MICU1: variants seen among roughly 807,000 people sequenced by gnomAD.
MICU1 encodes calcium uptake protein 1, mitochondrial.
Under a neutral mutation model 56.8 loss-of-function variants are expected in MICU1, and 45 were observed. That is an observed-to-expected ratio of 0.79 (90% CI 0.62 to 1.02). The LOEUF (loss-of-function observed/expected upper bound fraction) is 1.02, where lower values mean the gene tolerates loss of function less well. Ranked by LOEUF, MICU1 falls within the 50% of genes least tolerant of loss-of-function variation. The pLI, the probability that MICU1 is intolerant of heterozygous loss-of-function variation, is 0.00. For missense variants in MICU1, 504 were observed against 587.1 expected, an observed-to-expected ratio of 0.86 and a Z score of 1.46; for synonymous variants, 186 against 195.1, an observed-to-expected ratio of 0.95 and a Z score of 0.39.
rs1425175423 is a variant in MICU1, at chr10:72,599,681, CCTT to C, written c.-2+26326_-2+26328del. Among the ~76,000 whole-genome samples the C allele has an allele frequency of 2.0e-5, 3 of 152,100 alleles. No homozygotes were observed. The East Asian group carries it at 5.8e-4, about 29-fold the overall frequency. ...CAAAACCTGCCTCCATCCTTCCCTCCCTTCTTTCTTCCTTCCTTACTTCCTGCC... is the reference window on the plus strand; with the variant it reads ...CAAAACCTGCCTCCATCCTTCCCTCCCTTTCTTCCTTCCTTACTTCCTGCC... On this transcript the variant is annotated intron_variant, in intron 1 of 11. Coordinates refer to ENST00000361114, the MANE Select transcript of MICU1 (RefSeq NM_001195518.2).
chr10:72,576,680 C>CA (rs1384587326), intron 1 of MICU1, among the ~76,000 whole-genome samples: 1 of 152,176 alleles, frequency 6.6e-6, no homozygotes, highest in Non-Finnish European at 1.5e-5. Context: ...CTACACTAAA[C>CA]AAGAGATTTT....
At chr10:72,550,310 A>G (rs1840003173) in intron 4 of MICU1, among the ~76,000 whole-genome samples, 1 of 152,162 alleles carries the variant, frequency 6.6e-6, no homozygotes, top group South Asian at 2.1e-4. Context: ...CATGCCATAC[A>G]GGTTTATAGT....
intron 10 of MICU1, among the ~76,000 whole-genome samples, chr10:72,390,642 A>C (rs1047191424): frequency 4.6e-5 from 7 of 152,214 alleles, no homozygotes; most frequent in Non-Finnish European, 2.9e-5. Context: ...CAGGGCCTAG[A>C]AGGTGCCAAT....
chr10:72,388,615 G>A (rs2132061362), intron 10 of MICU1, among the ~76,000 whole-genome samples: 1 of 152,256 alleles, frequency 6.6e-6, no homozygotes, highest in Middle Eastern at 3.4e-3. Flanking sequence ...CAAGAGAAGG[G>A]CACTATCTCT....
rs1023184053 is a variant in MICU1, at chr10:72,533,754, C to A, written c.529G>T (p.Asp177Tyr). 6.2e-6 allele frequency: 10 copies of A among 1,601,708 alleles called. No individual in the cohort carries two copies. The highest frequency in any genetic ancestry group is 1.3e-5 in the African/African-American group (1 of 74,620). ...TGTCATAGTTTGCTCACCTTTCCAT[C>A]AAAGCGTTTTATTATATATTGATCC... ...GLDQYIIKRFDGKKISQEREK... is the reference protein window; with the variant it reads ...GLDQYIIKRFYGKKISQEREK... The change falls in exon 5 of 12, where the codon GAT becomes TAT. Residue 177 changes from aspartate (D) to tyrosine (Y), a missense_variant. Transcript: ENST00000361114.
chr10:72,482,835 A>G (rs1192330882), intron 6 of MICU1, among the ~76,000 whole-genome samples: 3 of 86,492 alleles, frequency 3.5e-5, no homozygotes, highest in African/African-American at 1.3e-4. Context: ...ATATATATAT[A>G]CATATATATA....
chr10:72,370,433 C>T (rs1862295724), intron 11 of MICU1, among the ~76,000 whole-genome samples: 1 of 152,070 alleles, frequency 6.6e-6, no homozygotes, highest in Admixed American at 6.6e-5. Context: ...CTCATGTTTT[C>T]TGGCTGAAGA....
chr10:72,555,248 T>C (rs1028064625), intron 3 of MICU1, among the ~76,000 whole-genome samples: 7 of 152,222 alleles, frequency 4.6e-5, no homozygotes, highest in Admixed American at 3.3e-4. Flanking sequence ...TAAAATCTTG[T>C]GTTTACAAAA....
intron 8 of MICU1, 77 bp from the exon 9 acceptor site, chr10:72,423,448 GT>G: frequency 6.7e-7 from 1 of 1,490,104 alleles, no homozygotes; most frequent in South Asian, 1.3e-5. Context: ...GATCAGCTGT[GT>G]TTGATGGCAG....
chr10:72,456,960 T>C lies in MICU1; in HGVS notation c.933+18140A>G, dbSNP rs113621273. Among the ~76,000 whole-genome samples, 3 of 141,666 alleles carry C rather than the reference T, an allele frequency of 2.1e-5. No individual in the cohort carries two copies. The East Asian group carries it at 5.9e-4, about 28-fold the overall frequency. The allele number at this position is 141,666 out of a possible 152,430, so 92.9% of individuals were successfully genotyped here. On this transcript the variant is annotated intron_variant, in intron 8 of 11. Transcript: ENST00000361114. ...TATATTGCCCAGGTGTGTGTGTGTGTGTGTGTGTGTGTGTGTGTGTGTGTG... is the reference window on the plus strand; with the variant it reads ...TATATTGCCCAGGTGTGTGTGTGTGCGTGTGTGTGTGTGTGTGTGTGTGTG...
At chr10:72,398,503 A>G (rs1863341601) in intron 10 of MICU1, among the ~76,000 whole-genome samples, 1 of 152,134 alleles carries the variant, frequency 6.6e-6, no homozygotes, top group Non-Finnish European at 1.5e-5. Context: ...TGAATCTAGG[A>G]GCCGGTTTTT....
chr10:72,531,326 CA>C (rs1381416869), intron 5 of MICU1: 13 of 152,106 alleles, frequency 8.5e-5, no homozygotes, highest in Non-Finnish European at 1.9e-4. Flanking sequence ...TCATTACACA[CA>C]AATCTGTTTT....
At chr10:72,535,032 T>C (rs1454177577) in intron 4 of MICU1, among the ~76,000 whole-genome samples, 46 of 143,746 alleles carry the variant, frequency 3.2e-4, no homozygotes, top group African/African-American at 1.2e-3. Context: ...TTTATTTTAT[T>C]TTATTTATTT....
rs11000325 is a variant in MICU1 at position 72,488,219 on chromosome 10, A to T, written c.653-10963T>A. ...AAAAAAAAAAAAAGAAAAAAAAATT[A>T]AAAAAAAATTGAATATATATAAGTT... On this transcript the variant is annotated intron_variant, in intron 6 of 11. Transcript: ENST00000361114. Among the ~76,000 whole-genome samples, 364 of 151,022 alleles carry T rather than the reference A, an allele frequency of 2.4e-3. 5 individuals carry two copies. The East Asian group carries it at 0.036, about 15-fold the overall frequency.
At chr10:72,400,522 G>A (rs557457240) in intron 10 of MICU1, among the ~76,000 whole-genome samples, 17 of 152,092 alleles carry the variant, frequency 1.1e-4, no homozygotes, top group Non-Finnish European at 2.4e-4. Context: ...AAGGCAGGCG[G>A]ATCACCTGAG....
At chr10:72,500,179 T>C (rs1866975907) in intron 6 of MICU1, among the ~76,000 whole-genome samples, 1 of 150,056 alleles carries the variant, frequency 6.7e-6, no homozygotes, top group African/African-American at 2.5e-5. Flanking sequence ...TTTGCTTTGA[T>C]TTTTCTGGTA....
intron 8 of MICU1, among the ~76,000 whole-genome samples, chr10:72,430,709 C>A (rs1016542372): frequency 6.6e-6 from 1 of 152,072 alleles, no homozygotes; most frequent in Non-Finnish European, 1.5e-5. Flanking sequence ...TACAGGCATG[C>A]GCCACCACGC....
At chr10:72,435,486 G>A (rs918631975) in intron 8 of MICU1, among the ~76,000 whole-genome samples, 1 of 151,802 alleles carries the variant, frequency 6.6e-6, no homozygotes, top group South Asian at 2.1e-4. Flanking sequence ...TGCAGAAGAT[G>A]AGTGATTTCT....
chr10:72,376,191 T>C (rs540496958), intron 10 of MICU1, among the ~76,000 whole-genome samples: 78 of 151,144 alleles, frequency 5.2e-4, no homozygotes, highest in African/African-American at 1.7e-3. Context: ...AGGCAGAGAA[T>C]TGCTTGAACC....
Sources: allele counts gnomAD v4.1 joint callset (sites outside exome capture counted in the v4.1 genomes callset), GRCh38; gene constraint gnomAD v4.1.1; transcripts MANE v1.5; gene names NCBI Gene and HGNC (gene_info 2026-07-23, HGNC 2026-07-21).